The following TLL1 variants were observed in gnomAD, a reference collection of about 807,000 sequenced individuals.
The protein encoded by TLL1 is tolloid like 1, also known as tolloid-like protein 1.
Under a neutral mutation model 128.2 loss-of-function variants are expected in TLL1, and 49 were observed. That is an observed-to-expected ratio of 0.38 (90% CI 0.30 to 0.48). The LOEUF (loss-of-function observed/expected upper bound fraction) is 0.48, where lower values mean the gene tolerates loss of function less well. TLL1 is among the 20% of genes least tolerant of loss of function. The pLI is 0.96. For synonymous variants in TLL1, 454 were observed against 418.8 expected, an observed-to-expected ratio of 1.08 and a Z score of -1.03; for missense variants, 1,123 against 1,242.0, an observed-to-expected ratio of 0.90 and a Z score of 1.44.
chr4:165,968,732 C>A (rs1735503010), intron 1 of TLL1, among the ~76,000 whole-genome samples: 1 of 152,084 alleles, frequency 6.6e-6, no homozygotes, highest in African/African-American at 2.4e-5. Context: ...ATAATGTTTT[C>A]TACCAAAATG....
At position 165,946,484 on chromosome 4, in the gene TLL1, C is replaced by T. The variant is rs561825155; in HGVS notation, c.170-42897C>T. 5.4e-4 allele frequency among the ~76,000 whole-genome samples: 81 copies of T among 150,648 alleles called. 1 individual carries two copies. Among genetic ancestry groups the T allele is most frequent in the African/African-American group, 1.9e-3 (79 of 40,758 alleles). ...AGTAGCTGGGACTAGAGGCACATGG[C>T]AGCATACCCAGCTAATTTTTTTTTT... On this transcript the variant is annotated intron_variant, in intron 1 of 20. Transcript: ENST00000061240.
intron 1 of TLL1, among the ~76,000 whole-genome samples, chr4:165,889,419 T>A (rs1302833847): frequency 2.0e-5 from 3 of 152,242 alleles, no homozygotes; most frequent in Non-Finnish European, 4.4e-5. Flanking sequence ...TTGAATTATT[T>A]GTAAACATTT....
chr4:165,894,048 A>G (rs1731544601), intron 1 of TLL1, among the ~76,000 whole-genome samples: 1 of 152,220 alleles, frequency 6.6e-6, no homozygotes, highest in African/African-American at 2.4e-5. Flanking sequence ...GACAAATGGT[A>G]GCTAGAATAT....
intron 1 of TLL1, among the ~76,000 whole-genome samples, chr4:165,964,961 A>G (rs1191905024): frequency 2.6e-5 from 4 of 152,236 alleles, no homozygotes; most frequent in African/African-American, 9.6e-5. Context: ...AAGTAAATAA[A>G]TAAATAAATG....
At chr4:165,987,780 C>T (rs973457519) in intron 1 of TLL1, among the ~76,000 whole-genome samples, 1 of 151,962 alleles carries the variant, frequency 6.6e-6, no homozygotes, top group Non-Finnish European at 1.5e-5. Context: ...TTGATCAAAG[C>T]CTAAAACATT....
At chr4:165,910,599 A>G (rs1479437404) in intron 1 of TLL1, among the ~76,000 whole-genome samples, 1 of 152,166 alleles carries the variant, frequency 6.6e-6, no homozygotes, top group Non-Finnish European at 1.5e-5. Context: ...CCCTTTTGTA[A>G]CTAGTGTATA....
intron 10 of TLL1, 88 bp from the exon 11 acceptor site, chr4:166,041,939 T>A: frequency 1.1e-6 from 1 of 902,680 alleles, no homozygotes; most frequent in South Asian, 1.3e-5. Flanking sequence ...CAAATCGGTG[T>A]TTACATATTA....
intron 1 of TLL1, among the ~76,000 whole-genome samples, chr4:165,941,528 T>G (rs1734006978): frequency 6.6e-6 from 1 of 152,148 alleles, no homozygotes; most frequent in African/African-American, 2.4e-5. Flanking sequence ...ATGACAAAAC[T>G]AATATAGTTT....
intron 10 of TLL1, among the ~76,000 whole-genome samples, chr4:166,039,868 T>G (rs904515248): frequency 2.0e-5 from 3 of 152,208 alleles, no homozygotes; most frequent in African/African-American, 7.2e-5. Flanking sequence ...GTTAGGTACA[T>G]GTTTGGTAGC....
intron 1 of TLL1, among the ~76,000 whole-genome samples, chr4:165,947,463 A>G (rs1030735099): frequency 2.0e-5 from 3 of 152,038 alleles, no homozygotes; most frequent in African/African-American, 7.2e-5. Flanking sequence ...AGATAAACTG[A>G]GGGGAAAAAC....
At chr4:166,093,096 T>A (rs1741850874) in intron 19 of TLL1, among the ~76,000 whole-genome samples, 1 of 152,124 alleles carries the variant, frequency 6.6e-6, no homozygotes, top group Non-Finnish European at 1.5e-5. Flanking sequence ...CACCTGTGGG[T>A]ATTTCTCATC....
At chr4:166,077,343 T>G (rs1044487583) in intron 17 of TLL1, among the ~76,000 whole-genome samples, 2 of 152,270 alleles carry the variant, frequency 1.3e-5, no homozygotes, top group Admixed American at 1.3e-4. Context: ...CCCTTAGTGC[T>G]TCCATTTGCT....
In TLL1 at chr4:165,992,853, A is replaced by T. The variant is rs138967219; in HGVS notation, c.330A>T (p.Gln110His). The change falls in exon 3 of 21, where the codon CAA (glutamine) becomes CAT (histidine). Residue 110 changes from glutamine to histidine, a missense_variant. Around this residue, in one of 3 missense-constraint regions of TLL1, gnomAD observed 480 missense variants for 542.4 expected, o/e 0.89. Coordinates refer to ENST00000061240, the MANE Select transcript of TLL1 (RefSeq NM_012464.5). The part of the protein sequence containing the change: ...AMSKKRGALY[Q>H]LIDRIRRIGF... ...CAAAGAAGCGAGGGGCCCTCTACCA[A>T]CTTATAGACAGGATAAGAAGAATTG... The T allele has an allele frequency of 8.1e-6, 13 of 1,613,226 alleles. No individual in the cohort carries two copies. Among genetic ancestry groups the T allele is most frequent in the Non-Finnish European group, 1.0e-5 (12 of 1,179,440 alleles).
intron 1 of TLL1, among the ~76,000 whole-genome samples, chr4:165,977,039 T>C (rs561192086): frequency 2.6e-5 from 4 of 152,200 alleles, no homozygotes; most frequent in Non-Finnish European, 4.4e-5. Flanking sequence ...TGAAGAGATA[T>C]TTAATCTTTA....
chr4:166,016,927 G>T (rs566036491), intron 8 of TLL1, among the ~76,000 whole-genome samples: 2 of 151,308 alleles, frequency 1.3e-5, no homozygotes, highest in African/African-American at 4.8e-5. Context: ...CTTCTATCTT[G>T]GCCTTTTTTT....
chr4:166,059,944 G>A, intron 14 of TLL1, 84 bp from the exon 15 acceptor site: 4 of 1,510,678 alleles, frequency 2.6e-6, no homozygotes, highest in African/African-American at 2.7e-5. Context: ...GTGCTGAGAT[G>A]TTTGGGTATT....
intron 1 of TLL1, among the ~76,000 whole-genome samples, chr4:165,957,998 A>G (rs1291922059): frequency 6.6e-6 from 1 of 151,176 alleles, no homozygotes; most frequent in East Asian, 2.0e-4. Flanking sequence ...ACTGAGAACG[A>G]TGATTTCCAA....
At chr4:166,083,903 C>G (rs1741392200) in intron 18 of TLL1, among the ~76,000 whole-genome samples, 1 of 152,036 alleles carries the variant, frequency 6.6e-6, no homozygotes, top group African/African-American at 2.4e-5. Flanking sequence ...TGATATATAC[C>G]CAGTAGTGAA....
intron 5 of TLL1, among the ~76,000 whole-genome samples, chr4:165,995,967 CT>C (rs375162931): frequency 4.6e-5 from 7 of 151,966 alleles, no homozygotes; most frequent in African/African-American, 1.5e-4. Flanking sequence ...TATAAATTAT[CT>C]TTTTTTAATA....
Sources: allele counts gnomAD v4.1 joint callset (sites outside exome capture counted in the v4.1 genomes callset), GRCh38; gene constraint gnomAD v4.1.1; regional missense constraint gnomAD v4.1.1; transcripts MANE v1.5; gene names NCBI Gene and HGNC (gene_info 2026-07-23, HGNC 2026-07-21).